The following FBXL17 variants were observed in gnomAD, a reference collection of about 807,000 sequenced individuals.
FBXL17 encodes F-box/LRR-repeat protein 17.
A neutral mutation model predicts 66.2 loss-of-function variants in FBXL17; 22 were observed. The ratio of observed to expected loss-of-function variants is 0.33; its 90% CI spans 0.24 to 0.47. The LOEUF is 0.47. Ranked by LOEUF, FBXL17 falls within the 20% of genes least tolerant of loss-of-function variation. The pLI is 1.00. For missense variants in FBXL17, 878 were observed against 948.2 expected (o/e 0.93, Z 0.97); for synonymous variants, 474 against 400.5 (o/e 1.18, Z -2.19).
chr5:108,130,531 A>T (rs964426818), intron 6 of FBXL17, among the ~76,000 whole-genome samples: 1 of 152,012 alleles, frequency 6.6e-6, no homozygotes, highest in Non-Finnish European at 1.5e-5. Flanking sequence ...CAAGATTTTA[A>T]CTCGGGTAGT....
intron 6 of FBXL17, among the ~76,000 whole-genome samples, chr5:108,113,901 G>C (rs914121144): frequency 2.0e-5 from 3 of 152,096 alleles, no homozygotes; most frequent in Non-Finnish European, 4.4e-5. Context: ...CTTTTCAAAA[G>C]AAAATGTGCA....
chr5:108,050,587 C>A (rs1747431872), intron 6 of FBXL17, among the ~76,000 whole-genome samples: 1 of 152,050 alleles, frequency 6.6e-6, no homozygotes. Context: ...ACTAAACGCC[C>A]ACATCAGAAA....
intron 7 of FBXL17, among the ~76,000 whole-genome samples, chr5:107,955,392 C>G (rs1206514282): frequency 6.6e-6 from 1 of 152,082 alleles, no homozygotes; most frequent in East Asian, 1.9e-4. Context: ...AAACCAATAA[C>G]TAAGAAACAT....
At chr5:108,217,721 C>T (rs933563110) in intron 5 of FBXL17, among the ~76,000 whole-genome samples, 31 of 152,230 alleles carry the variant, frequency 2.0e-4, no homozygotes, top group African/African-American at 7.2e-4. Flanking sequence ...ATCTCTTGAA[C>T]TTACTCTTGC....
intron 6 of FBXL17, among the ~76,000 whole-genome samples, chr5:108,177,932 T>TATATATATATATATATATACAC (rs1242739302): frequency 2.4e-4 from 30 of 126,882 alleles, no homozygotes; most frequent in South Asian, 1.2e-3. Flanking sequence ...TATATATATA[T>TATATATATATATATATATACAC]ACACACACAC....
chr5:108,038,386 C>T (rs923016328), intron 6 of FBXL17, among the ~76,000 whole-genome samples: 14 of 151,738 alleles, frequency 9.2e-5, no homozygotes, highest in Admixed American at 2.0e-4. Flanking sequence ...TGTTAAAATA[C>T]GCCAAAAAAA....
intron 7 of FBXL17, among the ~76,000 whole-genome samples, chr5:107,979,599 G>A (rs1369996524): frequency 2.0e-5 from 3 of 152,154 alleles, no homozygotes; most frequent in Non-Finnish European, 4.4e-5. Context: ...GACTTCCGGC[G>A]CTGGTTCTCT....
rs78501367 is a variant in FBXL17 at position 108,077,543 on chromosome 5, G to C, written c.1746-56542C>G. ...CCAGATGTGGTAGCATGTGCCTATG[G>C]TCCCAGCTACATATGAGGCTGAGGC... On this transcript the variant is annotated intron_variant, in intron 6 of 8. Coordinates refer to ENST00000542267, the MANE Select transcript of FBXL17 (RefSeq NM_001163315.3). Among the ~76,000 whole-genome samples, 57 of 151,726 alleles carry C rather than the reference G, an allele frequency of 3.8e-4. No homozygotes were observed. The East Asian group carries it at 8.4e-3, about 22-fold the overall frequency.
chr5:107,861,863 G>A lies in FBXL17; in HGVS notation c.1966-3C>T. 1 of 1,512,960 alleles carries A rather than the reference G, an allele frequency of 6.6e-7. No individual in the cohort carries two copies. Among genetic ancestry groups the A allele is most frequent in the Non-Finnish European group, 8.9e-7 (1 of 1,122,738 alleles). The allele number at this position is 1,512,960 out of a possible 1,614,324, so 93.7% of individuals were successfully genotyped here. ...TGTTCCACCGTCACTTCGTTGACCT[G>A]CAAACAAAGAAGAGTCACCATCACG... On this transcript the variant is annotated splice_region_variant and splice_polypyrimidine_tract_variant and intron_variant, in intron 8 of 8. Coordinates refer to ENST00000542267, the MANE Select transcript of FBXL17 (RefSeq NM_001163315.3).
At chr5:107,957,788 T>A (rs1200165367) in intron 7 of FBXL17, among the ~76,000 whole-genome samples, 4 of 152,144 alleles carry the variant, frequency 2.6e-5, no homozygotes, top group Non-Finnish European at 5.9e-5. Flanking sequence ...ATTTAAAATA[T>A]AATTGTGGTA....
chr5:108,373,455 G>T (rs1470719425), intron 1 of FBXL17, among the ~76,000 whole-genome samples: 1 of 148,062 alleles, frequency 6.8e-6, no homozygotes, highest in East Asian at 1.9e-4. Flanking sequence ...ATGAGAAGGG[G>T]ATCAAAATGG....
In FBXL17 at chr5:108,308,645, T is replaced by A. The variant is rs181549167; in HGVS notation, c.1506+39754A>T. ...AGCTTAATTACTAAGAGAATCTGAA[T>A]GAGCACTGTGACACATCAGGTTGCT... On this transcript the variant is annotated intron_variant, in intron 4 of 8. Transcript: ENST00000542267. Among the ~76,000 whole-genome samples the A allele has an allele frequency of 2.0e-4, 30 of 152,308 alleles. No homozygotes were observed. In the East Asian group the frequency reaches 5.2e-3, roughly 26 times the overall value.
chr5:107,907,638 A>G (rs1561525745), intron 7 of FBXL17, among the ~76,000 whole-genome samples: 1 of 152,222 alleles, frequency 6.6e-6, no homozygotes, highest in Non-Finnish European at 1.5e-5. Context: ...GGCAAAGGAC[A>G]TGAACAGACA....
In FBXL17 at chr5:108,381,804, T is replaced by C. The variant is rs2112686741; in HGVS notation, c.-113A>G. On this transcript the variant is annotated 5_prime_UTR_variant, in exon 1 of 9. Transcript: ENST00000542267. ...GCTCGGCCCCCGGAGGGGTCGCCCT[T>C]CCTGCGCACACACACGCACACACGG... 3.7e-6 allele frequency: 5 copies of C among 1,351,404 alleles called. No individual in the cohort carries two copies. Among genetic ancestry groups the C allele is most frequent in the South Asian group, 1.7e-5 (1 of 57,696 alleles). The allele number at this position is 1,351,404 out of a possible 1,614,324, so 83.7% of individuals were successfully genotyped here. A position where few individuals can be genotyped will look rare whatever the true frequency, so the allele number is the denominator to read the frequency against.
intron 5 of FBXL17, among the ~76,000 whole-genome samples, chr5:108,201,099 T>C (rs989154849): frequency 4.6e-5 from 7 of 152,200 alleles, no homozygotes; most frequent in African/African-American, 1.2e-4. Context: ...GGAATTACTA[T>C]GAAAATGAAT....
At chr5:108,002,400 T>A (rs1033411217) in intron 7 of FBXL17, among the ~76,000 whole-genome samples, 4 of 151,994 alleles carry the variant, frequency 2.6e-5, no homozygotes, top group Admixed American at 2.6e-4. Context: ...TTGCCAAAAT[T>A]TTTTCCCACT....
At chr5:108,341,190 T>A (rs545128462) in intron 4 of FBXL17, among the ~76,000 whole-genome samples, 1 of 152,184 alleles carries the variant, frequency 6.6e-6, no homozygotes, top group Non-Finnish European at 1.5e-5. Flanking sequence ...ATACCCATTA[T>A]GGCTAGATCT....
At chr5:108,375,585 T>C (rs185520409) in intron 1 of FBXL17, among the ~76,000 whole-genome samples, 6 of 151,988 alleles carry the variant, frequency 3.9e-5, no homozygotes, top group Admixed American at 1.3e-4. Flanking sequence ...TCAAAGGAAA[T>C]AGAAAATCTG....
intron 6 of FBXL17, among the ~76,000 whole-genome samples, chr5:108,084,923 C>T (rs1046447547): frequency 6.6e-6 from 1 of 152,124 alleles, no homozygotes; most frequent in African/African-American, 2.4e-5. Context: ...TCCTATATGC[C>T]AGTTTTATTT....
Sources: gnomAD v4.1 joint callset for allele counts (sites outside exome capture counted in the v4.1 genomes callset) on GRCh38, gnomAD v4.1.1 for gene constraint, MANE v1.5 for transcripts, NCBI Gene and HGNC (gene_info 2026-07-23, HGNC 2026-07-21) for gene names.